EREG: variants seen among roughly 807,000 people sequenced by gnomAD.
EREG encodes the protein proepiregulin.
In EREG, 23 loss-of-function variants were observed where a neutral mutation model predicts 22.4. The ratio of observed to expected loss-of-function variants is 1.03; its 90% CI spans 0.74 to 1.46. The LOEUF (loss-of-function observed/expected upper bound fraction) is 1.46. EREG is among the 40% of genes most tolerant of loss of function. The pLI is 0.00. For missense variants in EREG, 226 were observed against 205.9 expected, an observed-to-expected ratio of 1.10 and a Z score of -0.60; for synonymous variants, 100 against 75.4, an observed-to-expected ratio of 1.33 and a Z score of -1.69.
chr4:74,382,480 T>C (rs1752495563), intron 3 of EREG, 165 bp from the exon 4 acceptor site: 1 of 545,606 alleles, frequency 1.8e-6, no homozygotes, highest in Admixed American at 3.3e-5. Flanking sequence ...GGAGCCCTTT[T>C]ATCATTACTG....
chr4:74,369,810 G>A lies in EREG; in HGVS notation c.67+4435G>A, dbSNP rs552111813. On this transcript the variant is annotated intron_variant, in intron 1 of 4. Coordinates refer to ENST00000244869, the MANE Select transcript of EREG (RefSeq NM_001432.3). ...AAGAGTGATTTATCTCTGAGCCTCA[G>A]TTTTCTCATCCGAAAAAAAAAAGGT... 2.6e-5 allele frequency among the ~76,000 whole-genome samples: 4 copies of A among 151,396 alleles called. No individual in the cohort carries two copies. The South Asian group carries it at 8.3e-4, about 32-fold the overall frequency.
At chr4:74,382,520 C>A (rs2110389487) in intron 3 of EREG, 125 bp from the exon 4 acceptor site, 1 of 688,140 alleles carries the variant, frequency 1.5e-6, no homozygotes, top group East Asian at 2.7e-5. Flanking sequence ...ATCCTCTTTA[C>A]AATCTTTAGC....
At position 74,386,115 on chromosome 4, in the gene EREG, G is replaced by A; in HGVS notation, c.*1307G>A. The A allele has an allele frequency of 3.4e-6, 1 of 295,058 alleles. No homozygotes were observed. The highest frequency in any genetic ancestry group is 2.1e-5 in the African/African-American group (1 of 46,680). The allele number at this position is 295,058 out of a possible 1,614,324, so 18.3% of individuals were successfully genotyped here. On this transcript the variant is annotated 3_prime_UTR_variant, in exon 5 of 5. Transcript: ENST00000244869. ...GCCCATAGGTCTCAGAGAGTTAATAGGAGTATTTTTGGGCTATTGCATAAG... is the reference window on the plus strand; with the variant it reads ...GCCCATAGGTCTCAGAGAGTTAATAAGAGTATTTTTGGGCTATTGCATAAG...
intron 1 of EREG, among the ~76,000 whole-genome samples, chr4:74,370,755 T>C (rs943311293): frequency 5.3e-5 from 8 of 152,130 alleles, no homozygotes; most frequent in African/African-American, 1.9e-4. Flanking sequence ...AGAAGCATTG[T>C]TTTAGAAATT....
At chr4:74,382,421 C>A in intron 3 of EREG, 1 of 416,578 alleles carries the variant, frequency 2.4e-6, no homozygotes, top group East Asian at 3.6e-5. Flanking sequence ...ACCATGACAG[C>A]TGAACACAAC....
intron 1 of EREG, among the ~76,000 whole-genome samples, chr4:74,375,252 G>A (rs1405558142): frequency 6.7e-6 from 1 of 149,444 alleles, no homozygotes; most frequent in Non-Finnish European, 1.5e-5. Context: ...ATATATGCAT[G>A]CTTTAGCATT....
At position 74,381,984 on chromosome 4, in the gene EREG, CAAAAAAAAAA is replaced by C. The variant is rs59896791; in HGVS notation, c.279-644_279-635del. On this transcript the variant is annotated intron_variant, in intron 3 of 4. Coordinates refer to ENST00000244869, the MANE Select transcript of EREG (RefSeq NM_001432.3). The stretch of plus-strand genomic sequence containing the variant: ...TGGGCAACACAGCGAGACTCCGTCT[CAAAAAAAAAA>C]AAAAAAAAAAAAAAAAGAATTGATT... 6.2e-3 allele frequency: 237 copies of C among 38,110 alleles called. 3 individuals carry two copies. The highest frequency in any genetic ancestry group is 0.018 in the African/African-American group (222 of 12,076). 2.4% of individuals were successfully genotyped at this position (38,110 alleles called of 1,614,324 possible).
chr4:74,367,919 T>G (rs1233576385), intron 1 of EREG, among the ~76,000 whole-genome samples: 2 of 152,232 alleles, frequency 1.3e-5, no homozygotes, highest in Admixed American at 6.5e-5. Flanking sequence ...AAATGCCTAC[T>G]GTGTGGCAGC....
intron 1 of EREG, among the ~76,000 whole-genome samples, chr4:74,369,991 G>A (rs1439900282): frequency 1.3e-5 from 2 of 151,790 alleles, no homozygotes; most frequent in East Asian, 3.9e-4. Context: ...TGCCTTTTTA[G>A]CCCAGAAAGT....
intron 2 of EREG, among the ~76,000 whole-genome samples, 154 bp from the exon 3 acceptor site, chr4:74,380,860 C>G (rs936097240): frequency 6.6e-6 from 1 of 152,300 alleles, no homozygotes; most frequent in East Asian, 1.9e-4. Context: ...GGGGGTGTGA[C>G]AACTAGAGTG....
chr4:74,379,408 T>G, intron 1 of EREG, 40 bp from the exon 2 acceptor site: 2 of 1,217,392 alleles, frequency 1.6e-6, no homozygotes, highest in Non-Finnish European at 2.4e-6. Flanking sequence ...TTTCTTTCCT[T>G]AACACATTAG....
intron 1 of EREG, among the ~76,000 whole-genome samples, chr4:74,366,258 A>G (rs1752181940): frequency 1.3e-5 from 2 of 152,308 alleles, no homozygotes; most frequent in East Asian, 3.9e-4. Flanking sequence ...ATCTTAATAA[A>G]AAAATAAAAG....
At position 74,388,707 on chromosome 4, in the gene EREG, A is replaced by G. The variant is rs1012134749; in HGVS notation, c.*3899A>G. 4.6e-5 allele frequency: 7 copies of G among 152,474 alleles called. No homozygotes were observed. Among genetic ancestry groups the G allele is most frequent in the Admixed American group, 1.3e-4 (2 of 15,276 alleles). The allele number at this position is 152,474 out of a possible 1,614,324, so 9.4% of individuals were successfully genotyped here. A position where few individuals can be genotyped will look rare whatever the true frequency, so the allele number is the denominator to read the frequency against. On this transcript the variant is annotated 3_prime_UTR_variant, in exon 5 of 5. Transcript: ENST00000244869. ...TTTATTTTTCTTGGGAATTGAAAAA[A>G]ATTGAAATAAATAAAAATGCATTGA...
chr4:74,381,280 T>C (rs1752470133), intron 3 of EREG, 143 bp downstream of exon 3: 1 of 658,346 alleles, frequency 1.5e-6, no homozygotes, highest in Non-Finnish European at 2.5e-6. Flanking sequence ...ATAGTGTGCA[T>C]GGAACCCATT....
At chr4:74,379,707 T>C (rs982768387) in intron 2 of EREG, among the ~76,000 whole-genome samples, 173 bp downstream of exon 2, 3 of 152,214 alleles carry the variant, frequency 2.0e-5, no homozygotes, top group Non-Finnish European at 4.4e-5. Flanking sequence ...TATAAAGGAA[T>C]AACTGGTAGG....
At chr4:74,374,984 T>C (rs1428567558) in intron 1 of EREG, among the ~76,000 whole-genome samples, 3 of 152,218 alleles carry the variant, frequency 2.0e-5, no homozygotes, top group Non-Finnish European at 2.9e-5. Context: ...AATTTTGAGT[T>C]TACAGATCAT....
At chr4:74,372,801 C>CTTTT (rs60657787) in intron 1 of EREG, among the ~76,000 whole-genome samples, 1 of 71,906 alleles carries the variant, frequency 1.4e-5, no homozygotes, top group Non-Finnish European at 2.5e-5. Context: ...TTAAATTGTA[C>CTTTT]TTTTTTTTTT....
In EREG at chr4:74,387,246, G is replaced by C. The variant is rs1752583934; in HGVS notation, c.*2438G>C. ...GGGGCGATCTGGGAATCAGTCCCCTGTGGATACCAAGGTACAACTGTATTT... is the reference window on the plus strand; with the variant it reads ...GGGGCGATCTGGGAATCAGTCCCCTCTGGATACCAAGGTACAACTGTATTT... On this transcript the variant is annotated 3_prime_UTR_variant, in exon 5 of 5. Transcript: ENST00000244869. 6.6e-6 allele frequency: 1 copy of C among 152,036 alleles called. No homozygotes were observed. Among genetic ancestry groups the C allele is most frequent in the South Asian group, 2.1e-4 (1 of 4,820 alleles). 9.4% of individuals were successfully genotyped at this position (152,036 alleles called of 1,614,324 possible).
intron 4 of EREG, among the ~76,000 whole-genome samples, chr4:74,384,462 A>T (rs1752534312): frequency 6.6e-6 from 1 of 152,126 alleles, no homozygotes; most frequent in South Asian, 2.1e-4. Flanking sequence ...GCCTCTTGGA[A>T]TTTCACAATA....
Sources: allele counts gnomAD v4.1 joint callset (sites outside exome capture counted in the v4.1 genomes callset), GRCh38; gene constraint gnomAD v4.1.1; transcripts MANE v1.5; gene names NCBI Gene and HGNC (gene_info 2026-07-23, HGNC 2026-07-21).